Variants in LUZP2 observed in about 807,000 individuals in gnomAD.
LUZP2 encodes leucine zipper protein 2.
Under a neutral mutation model 51.6 loss-of-function variants are expected in LUZP2, and 52 were observed. The observed-to-expected ratio is 1.01, with a 90% CI of 0.81 to 1.27. The LOEUF is 1.27. Ranked by LOEUF, LUZP2 falls within the 50% of genes most tolerant of loss-of-function variation. The probability of loss-of-function intolerance (pLI) is 0.00; values close to 1 mark genes in which losing one functional copy is unlikely to be tolerated. For synonymous variants in LUZP2, 154 were observed against 137.3 expected, an observed-to-expected ratio of 1.12 and a Z score of -0.85; for missense variants, 436 against 395.4, an observed-to-expected ratio of 1.10 and a Z score of -0.87.
intron 1 of LUZP2, among the ~76,000 whole-genome samples, chr11:24,538,956 T>A (rs1851271942): frequency 6.6e-6 from 1 of 151,788 alleles, no homozygotes; most frequent in Non-Finnish European, 1.5e-5. Context: ...TATATATAAT[T>A]TTTCATTAAA....
Position 24,757,320 on chromosome 11 carries a change from ACT to A in LUZP2, c.334-5923_334-5922del, listed in dbSNP as rs879296804. Among the ~76,000 whole-genome samples, 9 of 152,158 alleles carry A rather than the reference ACT, an allele frequency of 5.9e-5. 1 individual carries two copies. The highest frequency in any genetic ancestry group is 3.3e-4 in the Admixed American group (5 of 15,270). On this transcript the variant is annotated intron_variant, in intron 4 of 11. Coordinates refer to ENST00000336930, the MANE Select transcript of LUZP2 (RefSeq NM_001009909.4). ...ATATTAGTAGCACATATGTTATTAA[ACT>A]CTATTTTAATAAAAGTAAAAATAAT...
At chr11:24,955,582 A>G (rs923343376) in intron 7 of LUZP2, among the ~76,000 whole-genome samples, 6 of 152,182 alleles carry the variant, frequency 3.9e-5, no homozygotes, top group African/African-American at 7.2e-5. Flanking sequence ...ATAAATTCCA[A>G]AGTACCAACA....
chr11:24,775,066 A>C (rs913426714), intron 5 of LUZP2, among the ~76,000 whole-genome samples: 2 of 151,906 alleles, frequency 1.3e-5, no homozygotes, highest in South Asian at 4.1e-4. Flanking sequence ...AAACTACAGT[A>C]AAAATCATTG....
rs796549117 is a variant in LUZP2 at position 24,685,948 on chromosome 11, A to G, written c.63-43221A>G. Among the ~76,000 whole-genome samples the G allele has an allele frequency of 2.0e-4, 30 of 152,316 alleles. 1 individual carries two copies. The highest frequency in any genetic ancestry group is 7.0e-4 in the African/African-American group (29 of 41,568). On this transcript the variant is annotated intron_variant, in intron 1 of 11. Coordinates refer to ENST00000336930, the MANE Select transcript of LUZP2 (RefSeq NM_001009909.4). Reference sequence around the variant, plus strand: ...TTTGAAGAAGCATCAAAGCATTATTAGATTATCCTATATTTAGTTGAACTA... The same window carrying G: ...TTTGAAGAAGCATCAAAGCATTATTGGATTATCCTATATTTAGTTGAACTA...
intron 5 of LUZP2, among the ~76,000 whole-genome samples, chr11:24,890,199 A>C (rs766470): frequency 6.6e-6 from 1 of 151,986 alleles, no homozygotes; most frequent in Admixed American, 6.5e-5. Context: ...GTAACCAAGC[A>C]TATACTCAGG....
intron 4 of LUZP2, among the ~76,000 whole-genome samples, chr11:24,750,521 A>C (rs1859539222): frequency 6.6e-6 from 1 of 152,248 alleles, no homozygotes; most frequent in South Asian, 2.1e-4. Context: ...AATCATCATT[A>C]TAATTACTCA....
At chr11:24,653,835 C>T (rs976275046) in intron 1 of LUZP2, among the ~76,000 whole-genome samples, 8 of 152,070 alleles carry the variant, frequency 5.3e-5, no homozygotes, top group South Asian at 2.1e-4. Flanking sequence ...CCATGTGTTA[C>T]GGTAAGATAT....
intron 1 of LUZP2, among the ~76,000 whole-genome samples, chr11:24,685,448 A>G (rs984759675): frequency 6.6e-6 from 1 of 152,106 alleles, no homozygotes; most frequent in African/African-American, 2.4e-5. Context: ...GCACACTGAA[A>G]TGTTAGCGTG....
Position 24,623,584 on chromosome 11 carries a change from G to A in LUZP2, c.63-105585G>A, listed in dbSNP as rs564209198. On this transcript the variant is annotated intron_variant, in intron 1 of 11. Transcript: ENST00000336930. The stretch of plus-strand genomic sequence containing the variant: ...AAACATGCCAGGCACAGTGGCTCAC[G>A]TTTGTAATCCCAGCATTTTGGGAGG... Among the ~76,000 whole-genome samples the A allele has an allele frequency of 6.6e-5, 10 of 152,246 alleles. No individual in the cohort carries two copies. The South Asian group carries it at 1.2e-3, about 19-fold the overall frequency.
intron 5 of LUZP2, among the ~76,000 whole-genome samples, chr11:24,798,123 T>C (rs550364743): frequency 6.6e-6 from 1 of 152,278 alleles, no homozygotes; most frequent in East Asian, 1.9e-4. Flanking sequence ...ATGTTTTGTT[T>C]GTTTGCTTGC....
intron 1 of LUZP2, among the ~76,000 whole-genome samples, chr11:24,551,582 G>A (rs1045320742): frequency 2.0e-5 from 3 of 151,952 alleles, no homozygotes; most frequent in African/African-American, 7.2e-5. Context: ...GAGTGAATAT[G>A]ATGGTGTGTG....
chr11:24,945,989 C>G (rs1012843567), intron 7 of LUZP2, among the ~76,000 whole-genome samples: 2 of 151,906 alleles, frequency 1.3e-5, no homozygotes, highest in Non-Finnish European at 2.9e-5. Context: ...TTTCCCTAGA[C>G]CCAGGGAAAA....
In LUZP2 at chr11:25,039,080, C is replaced by G. The variant is rs1857956303; in HGVS notation, c.766-10958C>G. On this transcript the variant is annotated intron_variant, in intron 9 of 11. Coordinates refer to ENST00000336930, the MANE Select transcript of LUZP2 (RefSeq NM_001009909.4). ...GTAACCCCCCTCACCAGGTCCGCTC[C>G]TTGGTCTTGGGGTTTGAGAAAGATA... Among the ~76,000 whole-genome samples the G allele has an allele frequency of 2.0e-5, 3 of 152,268 alleles. No individual in the cohort carries two copies. The South Asian group carries it at 6.2e-4, about 32-fold the overall frequency.
intron 7 of LUZP2, among the ~76,000 whole-genome samples, chr11:24,930,137 G>A (rs982151280): frequency 3.3e-5 from 5 of 152,154 alleles, no homozygotes; most frequent in African/African-American, 1.2e-4. Context: ...TGTTGGGTGA[G>A]TCTCTTGAAG....
At chr11:24,536,761 T>C (rs1352661658) in intron 1 of LUZP2, among the ~76,000 whole-genome samples, 1 of 151,940 alleles carries the variant, frequency 6.6e-6, no homozygotes, top group Non-Finnish European at 1.5e-5. Context: ...AGAACATTTC[T>C]TTTGCATTCA....
At chr11:24,651,925 C>G (rs995536649) in intron 1 of LUZP2, among the ~76,000 whole-genome samples, 2 of 151,990 alleles carry the variant, frequency 1.3e-5, no homozygotes, top group East Asian at 1.9e-4. Flanking sequence ...ATGTGCAAAG[C>G]CTTTGCAATT....
In LUZP2 at chr11:24,973,472, C is replaced by A. The variant is rs12288822; in HGVS notation, c.523-3119C>A. Among the ~76,000 whole-genome samples the A allele has an allele frequency of 3.1e-3, 422 of 135,584 alleles. 2 individuals are homozygous for A. Among genetic ancestry groups the A allele is most frequent in the African/African-American group, 0.01 (388 of 37,526 alleles). The allele number at this position is 135,584 out of a possible 152,430, so 88.9% of individuals were successfully genotyped here. ...CAGCTTTGATCTTGTTATTTCTTGTCTTTTGCTAGCTTTGGGGTTTGTTTG... is the reference window on the plus strand; with the variant it reads ...CAGCTTTGATCTTGTTATTTCTTGTATTTTGCTAGCTTTGGGGTTTGTTTG... On this transcript the variant is annotated intron_variant, in intron 7 of 11. Transcript: ENST00000336930.
chr11:24,990,744 TAA>T (rs1285500571), intron 9 of LUZP2, among the ~76,000 whole-genome samples: 2 of 152,022 alleles, frequency 1.3e-5, no homozygotes, highest in Non-Finnish European at 2.9e-5. Flanking sequence ...GTTAGAAATA[TAA>T]AGAATCTAAA....
chr11:24,998,863 C>G (rs2133938832), intron 9 of LUZP2, among the ~76,000 whole-genome samples: 1 of 152,094 alleles, frequency 6.6e-6, no homozygotes, highest in South Asian at 2.1e-4. Flanking sequence ...TACTGTCATG[C>G]ATGCAGTCGA....
Sources: allele counts gnomAD v4.1 joint callset (sites outside exome capture counted in the v4.1 genomes callset), GRCh38; gene constraint gnomAD v4.1.1; transcripts MANE v1.5; gene names NCBI Gene and HGNC (gene_info 2026-07-23, HGNC 2026-07-21).